PRUNE2: variants seen among roughly 807,000 people sequenced by gnomAD.
PRUNE2 encodes prune homolog 2 with BCH domain, also known as protein prune homolog 2.
Under a neutral mutation model 252.0 loss-of-function variants are expected in PRUNE2, and 164 were observed. The ratio of observed to expected loss-of-function variants is 0.65; its 90% CI spans 0.57 to 0.74. The LOEUF (loss-of-function observed/expected upper bound fraction) is 0.74. Among genes scored for constraint, PRUNE2 ranks in the 30% least tolerant of loss-of-function variants. PRUNE2 has a pLI of 0.00. For synonymous variants in PRUNE2, 1,292 were observed against 1,350.2 expected (o/e 0.96, Z 0.94); for missense variants, 3,495 against 3,711.0 (o/e 0.94, Z 1.51).
At chr9:76,813,062 T>C (rs1036760430) in intron 6 of PRUNE2, among the ~76,000 whole-genome samples, 6 of 152,238 alleles carry the variant, frequency 3.9e-5, no homozygotes, top group African/African-American at 1.4e-4. Flanking sequence ...AGAAAGGCTA[T>C]ATAATGATAT....
At chr9:76,654,374 G>A (rs1848487613) in intron 10 of PRUNE2, among the ~76,000 whole-genome samples, 1 of 152,132 alleles carries the variant, frequency 6.6e-6, no homozygotes, top group African/African-American at 2.4e-5. Flanking sequence ...CCCAAACTCT[G>A]TTCTAGGTAA....
intron 18 of PRUNE2, among the ~76,000 whole-genome samples, chr9:76,615,537 T>C (rs955468961): frequency 2.0e-5 from 3 of 152,188 alleles, no homozygotes; most frequent in African/African-American, 7.2e-5. Context: ...CTTTGAAATA[T>C]AGTCAGCAAT....
intron 4 of PRUNE2, among the ~76,000 whole-genome samples, chr9:76,828,773 T>C (rs751212695): frequency 6.6e-6 from 1 of 152,158 alleles, no homozygotes; most frequent in African/African-American, 2.4e-5. Flanking sequence ...CCCAGCACTT[T>C]GGGAGGCCAA....
In PRUNE2 at chr9:76,780,435, C is replaced by G. The variant is rs576629509; in HGVS notation, c.756+43197G>C. 1.2e-4 allele frequency among the ~76,000 whole-genome samples: 18 copies of G among 152,234 alleles called. No homozygotes were observed. In the South Asian group the frequency reaches 3.3e-3, roughly 28 times the overall value. ...AGGCACGATGGCTCACGCCTGTAAT[C>G]CCAGCACTTTGGGAGGCCGAGGCGG... is the stretch of plus-strand genomic sequence containing the variant. On this transcript the variant is annotated intron_variant, in intron 6 of 18. Transcript: ENST00000376718.
At chr9:76,875,924 G>A (rs1564486903) in intron 1 of PRUNE2, among the ~76,000 whole-genome samples, 1 of 152,170 alleles carries the variant, frequency 6.6e-6, no homozygotes, top group Non-Finnish European at 1.5e-5. Flanking sequence ...AAAACACATA[G>A]CCCTGGTCCC....
intron 6 of PRUNE2, chr9:76,788,208 T>G (rs1455947910): frequency 6.3e-6 from 3 of 479,042 alleles, no homozygotes; most frequent in Non-Finnish European, 1.1e-5. Context: ...AGGTAATAAT[T>G]TCCCTAGTTT....
At chr9:76,764,359 T>C (rs748020042) in intron 6 of PRUNE2, 2 of 152,246 alleles carry the variant, frequency 1.3e-5, no homozygotes, top group African/African-American at 2.4e-5. Flanking sequence ...AGAAATGGTA[T>C]GGTTGTATGT....
chr9:76,789,396 G>A (rs1010120512), intron 6 of PRUNE2, among the ~76,000 whole-genome samples: 103 of 152,244 alleles, frequency 6.8e-4, no homozygotes, highest in African/African-American at 2.4e-3. Context: ...GCCAAGACTC[G>A]ACTCCCAGAC....
At chr9:76,887,158 C>T (rs972614045) in intron 1 of PRUNE2, among the ~76,000 whole-genome samples, 1 of 152,040 alleles carries the variant, frequency 6.6e-6, no homozygotes, top group East Asian at 1.9e-4. Context: ...TCCCTGGTGA[C>T]CTAAAGGAAT....
rs1300604006 is a variant in PRUNE2 at position 76,709,978 on chromosome 9, C to G, written c.2296G>C (p.Ala766Pro). The change falls in exon 8 of 19, where the codon GCT becomes CCT. Residue 766 changes from alanine (A) to proline (P), a missense_variant. By Grantham distance (27) the Ala-to-Pro change is conservative. Transcript: ENST00000376718. ...GAGCGACCAGAATGCCACAAAGAAG[C>G]AAAGTCTTCTATCAGGTGGTTTGTT... ...QGTNHLIEDF[A>P]SLWHSGRSPT... 7.4e-6 allele frequency: 12 copies of G among 1,613,554 alleles called. No individual in the cohort carries two copies. The highest frequency in any genetic ancestry group is 1.7e-5 in the Admixed American group (1 of 59,958).
intron 9 of PRUNE2, among the ~76,000 whole-genome samples, chr9:76,681,689 A>G (rs1588546259): frequency 6.6e-6 from 1 of 152,082 alleles, no homozygotes; most frequent in Admixed American, 6.6e-5. Flanking sequence ...CATCATTTTT[A>G]CCCCTGAACC....
Position 76,705,095 on chromosome 9 carries a change from T to G in PRUNE2, c.7179A>C (p.Thr2393=), listed in dbSNP as rs1211142960. 6.2e-7 allele frequency: 1 copy of G among 1,613,720 alleles called. No homozygotes were observed. Residue 2393 remains threonine (T), a synonymous_variant, in exon 8 of 19, where the codon ACA becomes ACC. Transcript: ENST00000376718. ...TGAGATAAGACAAATCAAAGGGAGGTGTGTACGGTGCCAGCGACTGCTTCA... is the reference window on the plus strand; with the variant it reads ...TGAGATAAGACAAATCAAAGGGAGGGGTGTACGGTGCCAGCGACTGCTTCA... ...DSLKQSLAPY[T]PPFDLSYLTE...
At chr9:76,809,904 C>T (rs1157081004) in intron 6 of PRUNE2, among the ~76,000 whole-genome samples, 1 of 152,170 alleles carries the variant, frequency 6.6e-6, no homozygotes, top group Non-Finnish European at 1.5e-5. Context: ...ACCCTGGTGT[C>T]CCAAGGACAC....
At chr9:76,666,968 C>T (rs1254764590) in intron 9 of PRUNE2, among the ~76,000 whole-genome samples, 2 of 152,020 alleles carry the variant, frequency 1.3e-5, no homozygotes, top group Admixed American at 6.6e-5. Context: ...ATCACTTGAA[C>T]CCAGGAAGCA....
chr9:76,637,529 T>C lies in PRUNE2; in HGVS notation c.8852A>G (p.Glu2951Gly). ...NLFLYVISTL[E>G]LMVAEDYMIV... The stretch of plus-strand genomic sequence containing the variant: ...CATATAGTCTTCAGCTACCATCAAC[T>C]CTAAAGTACTTATTACATATCTGAT... The change falls in exon 14 of 19, where the codon GAG becomes GGG. Residue 2951 changes from glutamate to glycine, a missense_variant. Coordinates refer to ENST00000376718, the MANE Select transcript of PRUNE2 (RefSeq NM_015225.3). The C allele has an allele frequency of 6.2e-7, 1 of 1,613,214 alleles. No homozygotes were observed. Among genetic ancestry groups the C allele is most frequent in the Non-Finnish European group, 8.5e-7 (1 of 1,179,552 alleles).
At chr9:76,668,636 C>T (rs1171383466) in intron 9 of PRUNE2, among the ~76,000 whole-genome samples, 2 of 152,018 alleles carry the variant, frequency 1.3e-5, no homozygotes, top group Admixed American at 6.5e-5. Flanking sequence ...AGCCTGAACT[C>T]TGGGAGCCCC....
rs1281788208 is a variant in PRUNE2 at position 76,707,895 on chromosome 9, T to C, written c.4379A>G (p.Glu1460Gly). Residue 1460 changes from glutamate to glycine, a missense_variant, in exon 8 of 19, where the codon GAA (glutamate) becomes GGA (glycine). Transcript: ENST00000376718. Reference protein sequence around the residue: ...MNFTKYVSVPEKDLEKTEECN... With the variant: ...MNFTKYVSVPGKDLEKTEECN... ...TTCTTCAGTTTTCTCAAGATCCTTTTCAGGTACAGATACATATTTTGTGAA... is the reference window on the plus strand; with the variant it reads ...TTCTTCAGTTTTCTCAAGATCCTTTCCAGGTACAGATACATATTTTGTGAA... 1.2e-6 allele frequency: 2 copies of C among 1,613,888 alleles called. No individual in the cohort carries two copies. Among genetic ancestry groups the C allele is most frequent in the Admixed American group, 1.7e-5 (1 of 60,012 alleles).
intron 1 of PRUNE2, among the ~76,000 whole-genome samples, chr9:76,902,609 C>T (rs1406101749): frequency 6.6e-6 from 1 of 152,178 alleles, no homozygotes; most frequent in South Asian, 2.1e-4. Context: ...TAACAATCCT[C>T]GTGTCAATTC....
chr9:76,887,616 G>A (rs2062182387), intron 1 of PRUNE2, among the ~76,000 whole-genome samples: 1 of 152,222 alleles, frequency 6.6e-6, no homozygotes, highest in Non-Finnish European at 1.5e-5. Context: ...TGAAGAGAAA[G>A]TGGAAGTGGC....
Sources: gnomAD v4.1 joint callset for allele counts (sites outside exome capture counted in the v4.1 genomes callset) on GRCh38, gnomAD v4.1.1 for gene constraint, MANE v1.5 for transcripts, NCBI Gene and HGNC (gene_info 2026-07-23, HGNC 2026-07-21) for gene names.